The following CPNE8 variants were observed in gnomAD, a reference collection of about 807,000 sequenced individuals.
CPNE8 encodes the protein copine-8.
A neutral mutation model predicts 81.5 loss-of-function variants in CPNE8; 45 were observed. The observed-to-expected ratio is 0.55, with a 90% confidence interval of 0.44 to 0.71. CPNE8 has a LOEUF of 0.71. Among genes scored for constraint, CPNE8 ranks in the 30% least tolerant of loss-of-function variants. The probability of loss-of-function intolerance (pLI) is 0.00; values close to 1 mark genes in which losing one functional copy is unlikely to be tolerated. For synonymous variants in CPNE8, 252 were observed against 226.3 expected (o/e 1.11, Z -1.02); for missense variants, 594 against 672.1 (o/e 0.88, Z 1.28).
At chr12:38,833,411 T>C (rs1943325704) in intron 5 of CPNE8, among the ~76,000 whole-genome samples, 1 of 140,194 alleles carries the variant, frequency 7.1e-6, no homozygotes, top group Admixed American at 7.1e-5. Flanking sequence ...ACAGTCCAAA[T>C]GAAGGCAGTT....
intron 6 of CPNE8, among the ~76,000 whole-genome samples, chr12:38,813,642 A>T (rs1317249834): frequency 6.6e-6 from 1 of 152,204 alleles, no homozygotes; most frequent in Non-Finnish European, 1.5e-5. Flanking sequence ...CATGTAATAG[A>T]TCACTCAGGT....
intron 10 of CPNE8, among the ~76,000 whole-genome samples, chr12:38,733,098 TA>T (rs2136770874): frequency 6.6e-6 from 1 of 152,040 alleles, no homozygotes; most frequent in South Asian, 2.1e-4. Context: ...TATATGGAGA[TA>T]AAAATAAAAT....
At chr12:38,834,019 T>C (rs1943342321) in intron 5 of CPNE8, among the ~76,000 whole-genome samples, 1 of 152,002 alleles carries the variant, frequency 6.6e-6, no homozygotes, top group African/African-American at 2.4e-5. Flanking sequence ...GGGTGAGCAA[T>C]GATGAGAATG....
In CPNE8 at chr12:38,894,579, G is replaced by A. The variant is rs552655383; in HGVS notation, c.98+10858C>T. 2.0e-5 allele frequency among the ~76,000 whole-genome samples: 3 copies of A among 150,380 alleles called. No homozygotes were observed. In the South Asian group the frequency reaches 6.3e-4, roughly 32 times the overall value. On this transcript the variant is annotated intron_variant, in intron 1 of 19. Coordinates refer to ENST00000331366, the MANE Select transcript of CPNE8 (RefSeq NM_153634.3). ...TCTAAAATCGTAGGTAATTGAGATG[G>A]GTTTAGCAAATACATTTATTATTCT...
At chr12:38,740,667 GT>G (rs1941077422) in intron 10 of CPNE8, among the ~76,000 whole-genome samples, 1 of 152,108 alleles carries the variant, frequency 6.6e-6, no homozygotes, top group South Asian at 2.1e-4. Flanking sequence ...TTTGTCTTTG[GT>G]TTTGTTTATA....
At chr12:38,660,579 C>T (rs1274896000) in intron 19 of CPNE8, among the ~76,000 whole-genome samples, 1 of 152,102 alleles carries the variant, frequency 6.6e-6, no homozygotes, top group Non-Finnish European at 1.5e-5. Context: ...GACTAAAACA[C>T]CAAAAGCAAT....
At chr12:38,667,918 C>T (rs1451120203) in intron 19 of CPNE8, among the ~76,000 whole-genome samples, 2 of 152,144 alleles carry the variant, frequency 1.3e-5, no homozygotes, top group Non-Finnish European at 2.9e-5. Flanking sequence ...TTGCCTCCGC[C>T]TCCTGAGTAG....
intron 10 of CPNE8, among the ~76,000 whole-genome samples, chr12:38,750,443 C>T (rs1210389602): frequency 6.6e-6 from 1 of 152,100 alleles, no homozygotes; most frequent in Admixed American, 6.6e-5. Context: ...AATGCCAGCC[C>T]GTGAAAGCAG....
At chr12:38,725,235 A>C (rs1401182705) in intron 11 of CPNE8, among the ~76,000 whole-genome samples, 1 of 152,194 alleles carries the variant, frequency 6.6e-6, no homozygotes, top group East Asian at 1.9e-4. Context: ...TGGGTTGTTA[A>C]AGAATATTCA....
chr12:38,813,081 G>T (rs1942965249), intron 6 of CPNE8, among the ~76,000 whole-genome samples: 1 of 152,192 alleles, frequency 6.6e-6, no homozygotes, highest in South Asian at 2.1e-4. Flanking sequence ...AGAATAAACT[G>T]CTTGGTCTCA....
chr12:38,803,806 CAA>C (rs372112854), intron 6 of CPNE8, among the ~76,000 whole-genome samples: 3,755 of 89,690 alleles, frequency 0.042, 155 homozygotes, highest in East Asian at 0.28. Context: ...GCAACTTCAG[CAA>C]AGTCTCAGGA....
intron 6 of CPNE8, among the ~76,000 whole-genome samples, chr12:38,807,823 A>G (rs1942847171): frequency 6.6e-6 from 1 of 151,978 alleles, no homozygotes; most frequent in African/African-American, 2.4e-5. Context: ...GCAACCTACA[A>G]AATGGGAGAA....
intron 9 of CPNE8, 79 bp from the exon 10 acceptor site, chr12:38,760,967 T>G: frequency 1.7e-6 from 2 of 1,145,834 alleles, no homozygotes; most frequent in Admixed American, 5.3e-5. Context: ...AAAAATAAGT[T>G]GTTTTTCTTA....
intron 15 of CPNE8, among the ~76,000 whole-genome samples, chr12:38,693,030 C>T (rs1457428926): frequency 6.6e-6 from 1 of 152,172 alleles, no homozygotes; most frequent in Non-Finnish European, 1.5e-5. Flanking sequence ...TCCATAACTA[C>T]AGAGACAGGC....
chr12:38,709,591 A>G (rs1474937696), intron 13 of CPNE8, among the ~76,000 whole-genome samples: 1 of 152,240 alleles, frequency 6.6e-6, no homozygotes, highest in Non-Finnish European at 1.5e-5. Flanking sequence ...CCTGTCCTTT[A>G]GAAGGCCCAT....
intron 3 of CPNE8, among the ~76,000 whole-genome samples, chr12:38,859,186 TA>T (rs59226121): frequency 0.089 from 13,090 of 147,196 alleles, 718 homozygotes; most frequent in East Asian, 0.28. Flanking sequence ...ACTTATAGGT[TA>T]AAAAAAAAAA....
At chr12:38,840,895 T>A (rs1358087533) in intron 4 of CPNE8, among the ~76,000 whole-genome samples, 1 of 152,144 alleles carries the variant, frequency 6.6e-6, no homozygotes, top group Admixed American at 6.5e-5. Context: ...TACCTTCAAT[T>A]TGCCAAATTC....
At chr12:38,771,310 A>C (rs1221790279) in intron 7 of CPNE8, among the ~76,000 whole-genome samples, 1 of 151,378 alleles carries the variant, frequency 6.6e-6, no homozygotes, top group Admixed American at 6.6e-5. Context: ...AAAAAAAAAA[A>C]AAAAATTAGC....
intron 11 of CPNE8, among the ~76,000 whole-genome samples, chr12:38,729,581 C>CT (rs1940784695): frequency 6.6e-6 from 1 of 151,954 alleles, no homozygotes; most frequent in South Asian, 2.1e-4. Context: ...TCACTCTCTA[C>CT]TTAACAGAGG....
Sources: allele counts gnomAD v4.1 joint callset (sites outside exome capture counted in the v4.1 genomes callset), GRCh38; gene constraint gnomAD v4.1.1; transcripts MANE v1.5; gene names NCBI Gene and HGNC (gene_info 2026-07-23, HGNC 2026-07-21).